Variants in PRKAR1A observed in about 807,000 individuals in gnomAD.
PRKAR1A encodes cAMP-dependent protein kinase type I-alpha regulatory subunit.
A neutral mutation model predicts 52.0 loss-of-function variants in PRKAR1A; 3 were observed. That is an observed-to-expected ratio of 0.06 (90% CI 0.03 to 0.15). PRKAR1A has a LOEUF of 0.15. Ranked by LOEUF, PRKAR1A falls within the 10% of genes least tolerant of loss-of-function variation. The pLI is 1.00. For synonymous variants in PRKAR1A, 188 were observed against 168.4 expected (o/e 1.12, Z -0.90); for missense variants, 240 against 477.4 (o/e 0.50, Z 4.63).
At chr17:68,425,024 G>A in the PRKAR1A span, among the ~76,000 whole-genome samples, 1 of 152,208 alleles carries the variant, frequency 6.6e-6, no homozygotes, top group Non-Finnish European at 1.5e-5. Flanking sequence ...AGCCCCAGCA[G>A]GCTCTCAGGA....
In PRKAR1A at chr17:68,531,325, T is replaced by G. The variant is rs1217401004; in HGVS notation, c.*876T>G. ...TTGGTTGTTAATTTAGAGCGTTTGG[T>G]TAAAGTATGTCCTTCAGCTGACTCC... On this transcript the variant is annotated 3_prime_UTR_variant, in exon 11 of 11. Coordinates refer to ENST00000589228, the MANE Select transcript of PRKAR1A (RefSeq NM_002734.5). 1.5e-5 allele frequency: 16 copies of G among 1,066,022 alleles called. No individual in the cohort carries two copies. The highest frequency in any genetic ancestry group is 1.7e-5 in the Non-Finnish European group (15 of 879,590). The allele number at this position is 1,066,022 out of a possible 1,614,324, so 66.0% of individuals were successfully genotyped here.
intron 11 of PRKAR1A, chr17:68,541,921 T>C (rs1267858109): frequency 6.5e-7 from 1 of 1,534,610 alleles, no homozygotes; most frequent in African/African-American, 1.4e-5. Context: ...TAGCAACAAG[T>C]CCCTGGTACA....
intron 11 of PRKAR1A, among the ~76,000 whole-genome samples, chr17:68,550,671 G>T (rs748971504): frequency 2.0e-5 from 3 of 152,134 alleles, no homozygotes; most frequent in Non-Finnish European, 2.9e-5. Context: ...GTGAGCCATC[G>T]TGCCCAGCAG....
downstream of PRKAR1A, chr17:68,536,169 A>G: frequency 2.2e-6 from 1 of 454,116 alleles, no homozygotes; most frequent in South Asian, 1.6e-5. Flanking sequence ...ATCTTTGCTC[A>G]CACTGCAGAA....
the PRKAR1A span, among the ~76,000 whole-genome samples, chr17:68,416,811 CTGA>C: frequency 6.6e-6 from 1 of 152,128 alleles, no homozygotes; most frequent in African/African-American, 2.4e-5. Flanking sequence ...CCAATGTTTC[CTGA>C]TGTTTTAACT....
At position 68,530,628 on chromosome 17, in the gene PRKAR1A, C is replaced by T. The variant is rs966568247; in HGVS notation, c.*179C>T. On this transcript the variant is annotated 3_prime_UTR_variant, in exon 11 of 11. Transcript: ENST00000589228. ...TTCAATTTGGAGCATTAACTAAATG[C>T]TCATACACAGTTAAATAAATAGAAA... is the stretch of plus-strand genomic sequence containing the variant. 25 of 1,511,830 alleles carry T rather than the reference C, an allele frequency of 1.7e-5. No homozygotes were observed. Among genetic ancestry groups the T allele is most frequent in the Non-Finnish European group, 2.0e-5 (23 of 1,132,862 alleles). The allele number at this position is 1,511,830 out of a possible 1,614,324, so 93.7% of individuals were successfully genotyped here.
At chr17:68,486,557 CTTTCTTTCTT>C in the PRKAR1A span, among the ~76,000 whole-genome samples, 68 of 125,958 alleles carry the variant, frequency 5.4e-4, 1 homozygote, top group African/African-American at 1.8e-3. Flanking sequence ...TTCTTTCTTT[CTTTCTTTCTT>C]TCTTCTTTCC....
In PRKAR1A at chr17:68,540,078, G is replaced by C. The variant is rs2286558; in HGVS notation, c.973+10077G>C. 620,580 of 891,128 alleles carry C rather than the reference G, an allele frequency of 0.7. 218,925 individuals carry two copies. The highest frequency in any genetic ancestry group is 0.92 in the East Asian group (36,362 of 39,368). The allele number at this position is 891,128 out of a possible 1,614,324, so 55.2% of individuals were successfully genotyped here. A position where few individuals can be genotyped will look rare whatever the true frequency, so the allele number is the denominator to read the frequency against. Reference sequence around the variant, plus strand: ...CTGTCATCACTTGAGAGACAGGGGTGTGAACGAAGCTGGGCCTCACACTGT... The same window carrying C: ...CTGTCATCACTTGAGAGACAGGGGTCTGAACGAAGCTGGGCCTCACACTGT... On this transcript the variant is annotated intron_variant, in intron 11 of 11. Transcript: ENST00000585981.
chr17:68,504,781 A>C, the PRKAR1A span, among the ~76,000 whole-genome samples: 4 of 152,242 alleles, frequency 2.6e-5, no homozygotes, highest in African/African-American at 9.6e-5. Flanking sequence ...ATTTGATAGC[A>C]CAATAGTAAA....
the PRKAR1A span, among the ~76,000 whole-genome samples, chr17:68,482,096 A>G: frequency 6.6e-6 from 1 of 152,348 alleles, no homozygotes; most frequent in African/African-American, 2.4e-5. Context: ...GGGGAGCAAG[A>G]AGACAGGGCA....
At chr17:68,533,929 A>G (rs1409224990), downstream of PRKAR1A, among the ~76,000 whole-genome samples, 2 of 152,268 alleles carry the variant, frequency 1.3e-5, no homozygotes, top group South Asian at 4.1e-4. Context: ...GGGTTTTGCC[A>G]TGTAGCCTAG....
rs2086006625 is a variant in PRKAR1A at position 68,532,605 on chromosome 17, TG to T, written c.*2157del. On this transcript the variant is annotated 3_prime_UTR_variant, in exon 11 of 11. Transcript: ENST00000589228. ...TTCCTGGGCTTGGTAAGTGAATTTA[TG>T]AGATTTACTGCTCTAGAAAGTATAG... is the stretch of plus-strand genomic sequence containing the variant. 1.9e-6 allele frequency: 2 copies of T among 1,065,496 alleles called. No homozygotes were observed. The highest frequency in any genetic ancestry group is 3.3e-5 in the African/African-American group (2 of 61,112). The allele number at this position is 1,065,496 out of a possible 1,614,324, so 66.0% of individuals were successfully genotyped here. A position where few individuals can be genotyped will look rare whatever the true frequency, so the allele number is the denominator to read the frequency against.
At chr17:68,458,940 G>GTATA in the PRKAR1A span, among the ~76,000 whole-genome samples, 1 of 150,842 alleles carries the variant, frequency 6.6e-6, no homozygotes, top group Non-Finnish European at 1.5e-5. Context: ...TTATGTATGT[G>GTATA]TATATATATA....
chr17:68,500,864 C>T, the PRKAR1A span, among the ~76,000 whole-genome samples: 17 of 152,212 alleles, frequency 1.1e-4, no homozygotes, highest in African/African-American at 3.6e-4. Context: ...ATATACACAC[C>T]GTGAAAGTGC....
the PRKAR1A span, among the ~76,000 whole-genome samples, chr17:68,423,313 T>C: frequency 2.0e-5 from 3 of 152,196 alleles, no homozygotes; most frequent in African/African-American, 7.2e-5. This position sits in a 1 kb window ranked among gnomAD's most constrained non-coding sequence, Gnocchi z 4.4. Flanking sequence ...GCCATATTGA[T>C]AGAGCATCCC....
chr17:68,526,699 A>G (rs544495762), intron 7 of PRKAR1A, among the ~76,000 whole-genome samples: 1 of 152,120 alleles, frequency 6.6e-6, no homozygotes, highest in Non-Finnish European at 1.5e-5. Context: ...TCTCACTTAC[A>G]GTTGGGAGCT....
chr17:68,524,537 T>C (rs1163757460), intron 5 of PRKAR1A, among the ~76,000 whole-genome samples: 2 of 152,208 alleles, frequency 1.3e-5, no homozygotes, highest in Non-Finnish European at 2.9e-5. Flanking sequence ...CCTCTTTTTA[T>C]TTTCTTATTT....
the PRKAR1A span, among the ~76,000 whole-genome samples, chr17:68,457,893 A>C: frequency 5.9e-5 from 9 of 152,034 alleles, no homozygotes; most frequent in African/African-American, 2.2e-4. Context: ...TGGGAGGGAG[A>C]GGGAAGAAGG....
At chr17:68,529,790 A>T in intron 9 of PRKAR1A, 130 bp from the exon 10 acceptor site, 2 of 887,278 alleles carry the variant, frequency 2.3e-6, no homozygotes, top group Non-Finnish European at 3.8e-6. Flanking sequence ...TCATGTGGTG[A>T]CTAACTTTAA....
Sources: gnomAD v4.1 joint callset for allele counts (sites outside exome capture counted in the v4.1 genomes callset) on GRCh38, gnomAD v4.1.1 for gene constraint, Gnocchi (gnomAD v3.1) non-coding constraint, MANE v1.5 for transcripts, NCBI Gene and HGNC (gene_info 2026-07-23, HGNC 2026-07-21) for gene names.